The following NRXN1 variants were observed in gnomAD, a reference collection of about 807,000 sequenced individuals.
The protein encoded by NRXN1 is neurexin-1.
Under a neutral mutation model 150.9 loss-of-function variants are expected in NRXN1, and 39 were observed. That is an observed-to-expected ratio of 0.26 (90% CI 0.20 to 0.34). The LOEUF (loss-of-function observed/expected upper bound fraction) is 0.34. Ranked by LOEUF, NRXN1 falls within the 10% of genes least tolerant of loss-of-function variation. The pLI, the probability that NRXN1 is intolerant of heterozygous loss-of-function variation, is 1.00. For missense variants in NRXN1, 1,815 were observed against 1,949.9 expected, an observed-to-expected ratio of 0.93 and a Z score of 1.30; for synonymous variants, 924 against 757.0, an observed-to-expected ratio of 1.22 and a Z score of -3.62.
intron 5 of NRXN1, chr2:50,758,286 T>G (rs1362039334): frequency 6.6e-6 from 1 of 151,804 alleles, no homozygotes; most frequent in African/African-American, 2.4e-5. Flanking sequence ...TTATAATGCT[T>G]AGAAATGTTG....
intron 17 of NRXN1, among the ~76,000 whole-genome samples, chr2:50,372,586 T>G (rs2080108733): frequency 6.6e-6 from 1 of 152,078 alleles, no homozygotes; most frequent in East Asian, 1.9e-4. Flanking sequence ...CTCAGATTTA[T>G]AAAATGAGTA....
At chr2:50,275,029 G>T (rs927887804) in intron 17 of NRXN1, among the ~76,000 whole-genome samples, 3 of 152,112 alleles carry the variant, frequency 2.0e-5, no homozygotes, top group Admixed American at 1.3e-4. Context: ...TTCTGCAAAA[G>T]AAACTAAGCA....
At chr2:50,773,018 T>C (rs1464800049) in intron 5 of NRXN1, among the ~76,000 whole-genome samples, 1 of 152,102 alleles carries the variant, frequency 6.6e-6, no homozygotes, top group African/African-American at 2.4e-5. Context: ...TGTGCTTGGT[T>C]CTTGCTAAAA....
chr2:50,297,943 C>G (rs1352368966), intron 17 of NRXN1, among the ~76,000 whole-genome samples: 1 of 152,162 alleles, frequency 6.6e-6, no homozygotes, highest in Non-Finnish European at 1.5e-5. Flanking sequence ...TTGACATGCT[C>G]AGGGATCAAA....
intron 18 of NRXN1, among the ~76,000 whole-genome samples, chr2:50,219,970 TATATAATATATATATTA>T (rs2063734825): frequency 6.0e-5 from 3 of 50,240 alleles, no homozygotes; most frequent in Non-Finnish European, 9.9e-5. Context: ...ATATTATATA[TATATAATATATATATTA>T]TATATAATAT....
intron 21 of NRXN1, among the ~76,000 whole-genome samples, chr2:49,994,581 C>T (rs1682596966): frequency 6.6e-6 from 1 of 152,062 alleles, no homozygotes; most frequent in African/African-American, 2.4e-5. Context: ...TCTCAGAGAT[C>T]ACATGGTCAC....
intron 2 of NRXN1, among the ~76,000 whole-genome samples, chr2:51,016,782 C>A (rs1050957937): frequency 3.9e-5 from 6 of 152,114 alleles, no homozygotes; most frequent in Admixed American, 3.9e-4. Context: ...ATAAATCATT[C>A]TACTATAAAG....
chr2:50,111,405 G>A (rs915141651), intron 18 of NRXN1, among the ~76,000 whole-genome samples: 13 of 152,272 alleles, frequency 8.5e-5, no homozygotes, highest in African/African-American at 3.1e-4. Flanking sequence ...ACTTTTGGAG[G>A]TTGAGGCGGG....
At chr2:50,013,054 C>T (rs1293104489) in intron 21 of NRXN1, among the ~76,000 whole-genome samples, 1 of 152,048 alleles carries the variant, frequency 6.6e-6, no homozygotes, top group Non-Finnish European at 1.5e-5. Context: ...ATCACCACTA[C>T]CTCCTCTCTA....
chr2:50,817,848 C>T (rs1372671702), intron 5 of NRXN1, among the ~76,000 whole-genome samples: 1 of 151,892 alleles, frequency 6.6e-6, no homozygotes, highest in Non-Finnish European at 1.5e-5. Context: ...AGAAAAATTA[C>T]TTCAACATAA....
At chr2:50,093,847 T>C (rs1306989048) in intron 18 of NRXN1, among the ~76,000 whole-genome samples, 3 of 152,086 alleles carry the variant, frequency 2.0e-5, no homozygotes, top group Non-Finnish European at 1.5e-5. Flanking sequence ...GTCGCACAGC[T>C]GGAAAGAGAA....
At chr2:50,799,699 A>G (rs1707322630) in intron 5 of NRXN1, among the ~76,000 whole-genome samples, 1 of 152,206 alleles carries the variant, frequency 6.6e-6, no homozygotes, top group African/African-American at 2.4e-5. Context: ...GCTCAACTGT[A>G]GCCTAATGTG....
chr2:50,808,451 G>T (rs1056526239), intron 5 of NRXN1, among the ~76,000 whole-genome samples: 1 of 151,858 alleles, frequency 6.6e-6, no homozygotes, highest in African/African-American at 2.4e-5. Context: ...AAGAGATATA[G>T]CTTTTAATAA....
chr2:50,716,291 C>G (rs540986666), intron 5 of NRXN1, among the ~76,000 whole-genome samples: 51 of 152,136 alleles, frequency 3.4e-4, no homozygotes, highest in Admixed American at 9.2e-4. Flanking sequence ...ATTTAGAAGG[C>G]TACCACAGAT....
At chr2:50,858,885 A>G (rs1675666007) in intron 5 of NRXN1, among the ~76,000 whole-genome samples, 1 of 152,098 alleles carries the variant, frequency 6.6e-6, no homozygotes, top group Non-Finnish European at 1.5e-5. Context: ...GGCCATCAGT[A>G]GAGATTCAAT....
At chr2:50,519,767 T>G (rs2092734198) in intron 12 of NRXN1, among the ~76,000 whole-genome samples, 3 of 151,958 alleles carry the variant, frequency 2.0e-5, no homozygotes, top group Non-Finnish European at 4.4e-5. Context: ...TGTTCACAGA[T>G]GCTCCCAACC....
At chr2:50,211,563 C>T (rs1915222) in intron 18 of NRXN1, among the ~76,000 whole-genome samples, 103,299 of 151,078 alleles carry the variant, frequency 0.68, 36,482 homozygotes, top group African/African-American at 0.84. Context: ...AGAAATGTGA[C>T]GATTCAATAA....
chr2:50,515,598 G>GGGGT (rs1418030500), intron 12 of NRXN1, among the ~76,000 whole-genome samples: 34 of 119,944 alleles, frequency 2.8e-4, no homozygotes, highest in African/African-American at 1.4e-3. Flanking sequence ...TTAAATGCTT[G>GGGGT]GGGTGTGTGT....
intron 17 of NRXN1, among the ~76,000 whole-genome samples, chr2:50,458,196 G>A (rs75075809): frequency 0.011 from 1,692 of 152,080 alleles, 35 homozygotes; most frequent in African/African-American, 0.039. Flanking sequence ...GACAAATATC[G>A]CATGTTCTCA....
Sources: gnomAD v4.1 joint callset for allele counts (sites outside exome capture counted in the v4.1 genomes callset) on GRCh38, gnomAD v4.1.1 for gene constraint, MANE v1.5 for transcripts, NCBI Gene and HGNC (gene_info 2026-07-23, HGNC 2026-07-21) for gene names.